CRB1: variants seen among roughly 807,000 people sequenced by gnomAD.
CRB1 encodes the protein crumbs cell polarity complex component 1, also known as protein crumbs homolog 1.
In CRB1, 83 loss-of-function variants were observed where a neutral mutation model predicts 120.0. The observed-to-expected ratio is 0.69, with a 90% CI of 0.58 to 0.83. The LOEUF is 0.83. CRB1 is among the 40% of genes least tolerant of loss of function. The pLI is 0.00. For synonymous variants in CRB1, 625 were observed against 612.5 expected, an observed-to-expected ratio of 1.02 and a Z score of -0.30; for missense variants, 1,699 against 1,687.6, an observed-to-expected ratio of 1.01 and a Z score of -0.12.
chr1:197,271,324 C>T (rs1654895749), intron 1 of CRB1, among the ~76,000 whole-genome samples: 1 of 152,150 alleles, frequency 6.6e-6, no homozygotes, highest in Non-Finnish European at 1.5e-5. Flanking sequence ...TAATCACCTC[C>T]AGCTCCATAC....
At chr1:197,357,324 T>TA in intron 5 of CRB1, 1 of 405,054 alleles carries the variant, frequency 2.5e-6, no homozygotes, top group South Asian at 2.5e-5. Context: ...TTTTATGCTA[T>TA]CAAATTTGAT....
chr1:197,240,420 A>C, the CRB1 span, among the ~76,000 whole-genome samples: 1 of 151,860 alleles, frequency 6.6e-6, no homozygotes, highest in African/African-American at 2.4e-5. Context: ...CCCTGTGTCC[A>C]TGTGTTCTTA....
intron 11 of CRB1, 98 bp downstream of exon 11, chr1:197,442,390 T>C (rs1380717641): frequency 4.4e-6 from 7 of 1,606,982 alleles, no homozygotes; most frequent in South Asian, 1.1e-5. Flanking sequence ...GAGCCAGTTG[T>C]TGAGTGGGGT....
At chr1:197,228,794 A>G in the CRB1 span, among the ~76,000 whole-genome samples, 5 of 152,156 alleles carry the variant, frequency 3.3e-5, no homozygotes, top group Non-Finnish European at 7.4e-5. Context: ...CTGGGAAGAA[A>G]AAGAGGTTTA....
At chr1:197,434,593 C>A in intron 8 of CRB1, 113 bp from the exon 9 acceptor site, 1 of 971,408 alleles carries the variant, frequency 1.0e-6, no homozygotes, top group Non-Finnish European at 1.6e-6. Flanking sequence ...TAACATGTAT[C>A]AAATAGTCAA....
At chr1:197,472,252 C>T (rs552768401) in intron 11 of CRB1, among the ~76,000 whole-genome samples, 1 of 152,328 alleles carries the variant, frequency 6.6e-6, no homozygotes, top group East Asian at 1.9e-4. Flanking sequence ...AACTGATATA[C>T]ATACAACTGA....
intron 11 of CRB1, 119 bp downstream of exon 11, chr1:197,442,411 A>G (rs1334639662): frequency 6.9e-6 from 11 of 1,602,230 alleles, no homozygotes; most frequent in Admixed American, 1.7e-5. Flanking sequence ...GAACAGGAAG[A>G]TTATTAACAT....
Position 197,421,581 on chromosome 1 carries a change from G to C in CRB1, c.1753G>C (p.Asp585His), listed in dbSNP as rs1417188996. ...AEAVTLTLID[D>H]SCKEKCIAKA... The stretch of plus-strand genomic sequence containing the variant: ...GGCTGTGACCCTTACCTTAATCGAC[G>C]ACTCCTGTAAGGAGAAATGCATCGC... The change falls in exon 6 of 12, where the codon GAC (aspartate) becomes CAC (histidine). Residue 585 changes from aspartate (D) to histidine (H), a missense_variant. Coordinates refer to ENST00000367400, the MANE Select transcript of CRB1 (RefSeq NM_201253.3). 1 of 1,614,180 alleles carries C rather than the reference G, an allele frequency of 6.2e-7. No individual in the cohort carries two copies. Among genetic ancestry groups the C allele is most frequent in the South Asian group, 1.1e-5 (1 of 91,076 alleles).
the CRB1 span, among the ~76,000 whole-genome samples, chr1:197,254,637 C>T: frequency 6.6e-6 from 1 of 152,054 alleles, no homozygotes; most frequent in Non-Finnish European, 1.5e-5. Context: ...AGAACTAGGG[C>T]TGCTTCCAGA....
chr1:197,406,957 C>T, intron 5 of CRB1, among the ~76,000 whole-genome samples: 1 of 152,188 alleles, frequency 6.6e-6, no homozygotes, highest in Non-Finnish European at 1.5e-5. Flanking sequence ...CTACATGGCT[C>T]CTGTAGGATC....
intron 1 of CRB1, among the ~76,000 whole-genome samples, chr1:197,324,114 T>C (rs2125295911): frequency 6.6e-6 from 1 of 152,282 alleles, no homozygotes; most frequent in African/African-American, 2.4e-5. Context: ...CCAAAACCAA[T>C]CTTCTTACCT....
chr1:197,357,114 A>T (rs749621835), intron 5 of CRB1, 101 bp downstream of exon 5: 25 of 1,212,600 alleles, frequency 2.1e-5, no homozygotes, highest in Non-Finnish European at 3.1e-5. Context: ...TGTACTGTGT[A>T]AACTCTGCTG....
chr1:197,311,068 C>G lies in CRB1; in HGVS notation c.71-17354C>G, dbSNP rs566459965. Reference sequence around the variant, plus strand: ...ACTTTTAAATTTTAATGGTTTTATACTGACACAATTTCAGACTTCTAAAGT... The same window carrying G: ...ACTTTTAAATTTTAATGGTTTTATAGTGACACAATTTCAGACTTCTAAAGT... On this transcript the variant is annotated intron_variant, in intron 1 of 11. Coordinates refer to ENST00000367400, the MANE Select transcript of CRB1 (RefSeq NM_201253.3). 2.0e-5 allele frequency among the ~76,000 whole-genome samples: 3 copies of G among 152,318 alleles called. No individual in the cohort carries two copies. The South Asian group carries it at 6.2e-4, about 32-fold the overall frequency.
intron 1 of CRB1, among the ~76,000 whole-genome samples, chr1:197,319,663 CTTTCTT>C (rs1314349218): frequency 1.3e-5 from 2 of 152,030 alleles, no homozygotes; most frequent in Non-Finnish European, 2.9e-5. Flanking sequence ...TCATTTCTCT[CTTTCTT>C]TTTTTTTCTC....
intron 1 of CRB1, among the ~76,000 whole-genome samples, chr1:197,273,770 G>T (rs1200702364): frequency 6.6e-6 from 1 of 151,936 alleles, no homozygotes; most frequent in Non-Finnish European, 1.5e-5. Flanking sequence ...TCAATGTGGG[G>T]TGCTTTTTAA....
intron 5 of CRB1, among the ~76,000 whole-genome samples, chr1:197,404,441 C>CAAAAAAAAAAAAAAAAAAAAAAAAA: frequency 1.7e-5 from 1 of 58,722 alleles, no homozygotes; most frequent in African/African-American, 5.9e-5. Context: ...GACTCCGTCT[C>CAAAAAAAAAAAAAAAAAAAAAAAAA]AAAAAAAAAA....
At position 197,421,130 on chromosome 1, in the gene CRB1, AG is replaced by A. The variant is rs1399886576; in HGVS notation, c.1304del (p.Gly435GlufsTer17). On this transcript the variant is annotated frameshift_variant, in exon 6 of 12. Coordinates refer to ENST00000367400, the MANE Select transcript of CRB1 (RefSeq NM_201253.3). LOFTEE classifies it high-confidence loss of function. Reference protein sequence around the residue: ...FDNLSRTFYGGRDCSDILLGC... With the variant: ...FDNLSRTFYGXRDCSDILLGC... ...ATAACCTTTCTAGAACTTTTTATGG[AG>A]GAAGGGACTGTTCTGATATTCTCCT... 1.9e-6 allele frequency: 3 copies of A among 1,614,160 alleles called. No homozygotes were observed. In the South Asian group the frequency reaches 3.3e-5, roughly 18 times the overall value.
chr1:197,411,271 C>T (rs1244911744), intron 5 of CRB1, among the ~76,000 whole-genome samples: 4 of 152,102 alleles, frequency 2.6e-5, no homozygotes, highest in Admixed American at 6.5e-5. Flanking sequence ...ATACTATCAT[C>T]GGTCATGACA....
At chr1:197,253,058 A>C in the CRB1 span, among the ~76,000 whole-genome samples, 1 of 152,014 alleles carries the variant, frequency 6.6e-6, no homozygotes, top group Non-Finnish European at 1.5e-5. Context: ...TGACACATGA[A>C]ATTAACCATC....
Sources: gnomAD v4.1 joint callset for allele counts (sites outside exome capture counted in the v4.1 genomes callset) on GRCh38, gnomAD v4.1.1 for gene constraint, MANE v1.5 for transcripts, NCBI Gene and HGNC (gene_info 2026-07-23, HGNC 2026-07-21) for gene names.